Variants in VCL observed in about 807,000 individuals in gnomAD.
The protein encoded by VCL is vinculin.
VCL carries 47 observed loss-of-function variants against 125.7 expected under a neutral mutation model. The ratio of observed to expected loss-of-function variants is 0.37; its 90% CI spans 0.30 to 0.48. VCL has a LOEUF of 0.48. Ranked by LOEUF, VCL falls within the 20% of genes least tolerant of loss-of-function variation. The pLI is 0.99. For missense variants in VCL, 1,069 were observed against 1,455.5 expected (o/e 0.73, Z 4.32); for synonymous variants, 458 against 514.6 (o/e 0.89, Z 1.49).
chr10:74,040,747 G>A (rs1376787516), intron 1 of VCL, among the ~76,000 whole-genome samples: 1 of 152,138 alleles, frequency 6.6e-6, no homozygotes, highest in Non-Finnish European at 1.5e-5. Context: ...GATATGTGTT[G>A]CTTTTTCTAG....
chr10:74,012,935 C>G (rs1212432546), intron 1 of VCL, among the ~76,000 whole-genome samples: 1 of 152,050 alleles, frequency 6.6e-6, no homozygotes, highest in Non-Finnish European at 1.5e-5. Flanking sequence ...CATGTACTTT[C>G]TATATTTTTT....
chr10:74,111,481 T>C (rs771462752), intron 18 of VCL, among the ~76,000 whole-genome samples: 3 of 152,230 alleles, frequency 2.0e-5, no homozygotes, highest in African/African-American at 7.2e-5. Flanking sequence ...CAAAGTAACT[T>C]GTGTGGCTGC....
At chr10:74,092,432 G>A (rs904601482) in intron 10 of VCL, among the ~76,000 whole-genome samples, 6 of 152,100 alleles carry the variant, frequency 3.9e-5, no homozygotes, top group African/African-American at 1.4e-4. Flanking sequence ...TTCTTTGGTT[G>A]GAAGGACCTG....
At position 74,071,620 on chromosome 10, in the gene VCL, C is replaced by G. The variant is rs1244613206; in HGVS notation, c.499+537C>G. ...AATATTCAAAATATATAAACGGATACCAGCTTTTGATGTTACAGACATATA... is the reference window on the plus strand; with the variant it reads ...AATATTCAAAATATATAAACGGATAGCAGCTTTTGATGTTACAGACATATA... On this transcript the variant is annotated intron_variant, in intron 4 of 21. Transcript: ENST00000211998. This position sits in a 1 kb window ranked among gnomAD's most constrained non-coding sequence, Gnocchi z 4.1. 6.6e-6 allele frequency among the ~76,000 whole-genome samples: 1 copy of G among 152,148 alleles called. No individual in the cohort carries two copies. The highest frequency in any genetic ancestry group is 1.9e-4 in the East Asian group (1 of 5,198).
intron 2 of VCL, among the ~76,000 whole-genome samples, chr10:74,051,301 A>C (rs574879556): frequency 6.9e-4 from 104 of 150,802 alleles, no homozygotes; most frequent in African/African-American, 2.4e-3. Context: ...CAGTGGTGTG[A>C]TCTCGGCTCA....
At chr10:74,032,651 G>T (rs1840899350) in intron 1 of VCL, among the ~76,000 whole-genome samples, 1 of 150,962 alleles carries the variant, frequency 6.6e-6, no homozygotes, top group African/African-American at 2.4e-5. Flanking sequence ...AGTGAGCCCA[G>T]ATTGCACCAC....
intron 16 of VCL, 113 bp downstream of exon 16, chr10:74,105,466 A>G: frequency 1.5e-6 from 2 of 1,298,406 alleles, no homozygotes; most frequent in South Asian, 2.4e-5. Flanking sequence ...GGCAAAAACT[A>G]TAGACACTTA....
chr10:74,083,075 A>G (rs1045620709), intron 7 of VCL, among the ~76,000 whole-genome samples: 10 of 152,240 alleles, frequency 6.6e-5, no homozygotes, highest in African/African-American at 2.4e-4. Flanking sequence ...GAGGTGCTAA[A>G]TACTATTAAA....
At chr10:74,117,769 C>G (rs1840333084) in intron 21 of VCL, among the ~76,000 whole-genome samples, 2 of 152,194 alleles carry the variant, frequency 1.3e-5, no homozygotes, top group African/African-American at 4.8e-5. Flanking sequence ...AACAGCAAGT[C>G]CTGAGGGAGA....
intron 2 of VCL, among the ~76,000 whole-genome samples, chr10:74,065,991 A>G (rs1196548191): frequency 6.6e-6 from 1 of 151,260 alleles, no homozygotes; most frequent in African/African-American, 2.4e-5. Flanking sequence ...TAACAGAAAC[A>G]AGAACCTAGA....
intron 2 of VCL, among the ~76,000 whole-genome samples, chr10:74,067,498 T>C (rs1419900390): frequency 1.3e-5 from 2 of 152,170 alleles, no homozygotes; most frequent in African/African-American, 2.4e-5. Flanking sequence ...GGAATTACTA[T>C]ATAAACTAGC....
At chr10:74,003,894 T>C (rs972150434) in intron 1 of VCL, among the ~76,000 whole-genome samples, 1 of 151,910 alleles carries the variant, frequency 6.6e-6, no homozygotes, top group Admixed American at 6.6e-5. Context: ...TAATTTAAAA[T>C]TTTTTTTATA....
intron 2 of VCL, among the ~76,000 whole-genome samples, chr10:74,070,114 T>C (rs1001248579): frequency 6.6e-6 from 1 of 152,238 alleles, no homozygotes; most frequent in Non-Finnish European, 1.5e-5. Flanking sequence ...TCATACTTTT[T>C]CTTTGTGTTT....
At chr10:74,029,643 A>G (rs1840837892) in intron 1 of VCL, among the ~76,000 whole-genome samples, 1 of 152,222 alleles carries the variant, frequency 6.6e-6, no homozygotes, top group South Asian at 2.1e-4. Flanking sequence ...TTGACATCAG[A>G]ACTTGCCACT....
At chr10:74,001,006 C>T (rs1840215132) in intron 1 of VCL, among the ~76,000 whole-genome samples, 1 of 152,124 alleles carries the variant, frequency 6.6e-6, no homozygotes, top group Non-Finnish European at 1.5e-5. Flanking sequence ...AGTAGATTAT[C>T]TTGATTGCAG....
chr10:74,009,327 CGGCTCACTGCAAGCTCCACTTCCCG>C (rs1313730115), intron 1 of VCL, among the ~76,000 whole-genome samples: 1 of 150,660 alleles, frequency 6.6e-6, no homozygotes, highest in Non-Finnish European at 1.5e-5. Flanking sequence ...GGCGCCATCT[CGGCTCACTGCAAGCTCCACTTCCCG>C]GGTTCACGCC....
intron 1 of VCL, among the ~76,000 whole-genome samples, chr10:74,020,421 A>G (rs1355518017): frequency 1.3e-5 from 2 of 152,306 alleles, no homozygotes; most frequent in East Asian, 3.9e-4. Context: ...AGAAAACACA[A>G]TCTAGTTGAA....
Position 74,066,063 on chromosome 10 carries a change from T to TATATATATA in VCL, c.240-4607_240-4606insATATATATA, listed in dbSNP as rs1297685805. Among the ~76,000 whole-genome samples, 384 of 95,600 alleles carry TATATATATA rather than the reference T, an allele frequency of 4.0e-3. 4 individuals are homozygous for TATATATATA. The highest frequency in any genetic ancestry group is 0.013 in the African/African-American group (360 of 28,130). 62.7% of individuals were successfully genotyped at this position (95,600 alleles called of 152,430 possible). On this transcript the variant is annotated intron_variant, in intron 2 of 21. Coordinates refer to ENST00000211998, the MANE Select transcript of VCL (RefSeq NM_014000.3). The stretch of plus-strand genomic sequence containing the variant: ...TCAATTTTGGTATATATATATATAT[T>TATATATATA]TTTTTTTTTTTTTGAGATGGAGTTT...
At chr10:74,086,235 A>G (rs964225654) in intron 8 of VCL, among the ~76,000 whole-genome samples, 1 of 152,242 alleles carries the variant, frequency 6.6e-6, no homozygotes, top group Non-Finnish European at 1.5e-5. Flanking sequence ...TCATCTGATG[A>G]AAACATTCAT....
Sources: allele counts gnomAD v4.1 joint callset (sites outside exome capture counted in the v4.1 genomes callset), GRCh38; gene constraint gnomAD v4.1.1; non-coding constraint Gnocchi (gnomAD v3.1); transcripts MANE v1.5; gene names NCBI Gene and HGNC (gene_info 2026-07-23, HGNC 2026-07-21).